VPS41: variants seen among roughly 807,000 people sequenced by gnomAD.
VPS41 encodes vacuolar protein sorting-associated protein 41 homolog.
Under a neutral mutation model 130.9 loss-of-function variants are expected in VPS41, and 85 were observed. The observed-to-expected ratio is 0.65, with a 90% CI of 0.55 to 0.78. VPS41 has a LOEUF of 0.78. VPS41 is among the 30% of genes least tolerant of loss of function. The pLI is 0.00. For synonymous variants in VPS41, 335 were observed against 332.9 expected (o/e 1.01, Z -0.07); for missense variants, 874 against 1,018.7 (o/e 0.86, Z 1.93).
intron 5 of VPS41, 101 bp from the exon 6 acceptor site, chr7:38,821,366 A>G: frequency 1.2e-6 from 1 of 835,802 alleles, no homozygotes; most frequent in Middle Eastern, 2.3e-4. Context: ...TAGAATATTT[A>G]ATAATTTTAA....
chr7:38,811,512 G>A (rs1784941820), intron 7 of VPS41, among the ~76,000 whole-genome samples: 1 of 151,676 alleles, frequency 6.6e-6, no homozygotes, highest in African/African-American at 2.4e-5. Flanking sequence ...TTTAACATAA[G>A]TAAAATAAAT....
chr7:38,898,025 G>T, intron 2 of VPS41, 66 bp downstream of exon 2: 1 of 1,455,570 alleles, frequency 6.9e-7, no homozygotes, highest in South Asian at 1.1e-5. Context: ...ATTTAGCAAA[G>T]AAGCGCAACT....
rs117852239 is a variant in VPS41, at chr7:38,735,502, T to A, written c.2259+6483A>T. 2.8e-4 allele frequency among the ~76,000 whole-genome samples: 42 copies of A among 152,170 alleles called. No homozygotes were observed. In the East Asian group the frequency reaches 8.1e-3, roughly 29 times the overall value. On this transcript the variant is annotated intron_variant, in intron 25 of 28. Transcript: ENST00000310301. The stretch of plus-strand genomic sequence containing the variant: ...GTGTGTGTACATGTGTGTGTCTCTG[T>A]GTGTGTACATGTGTATATGTGTATG...
intron 14 of VPS41, among the ~76,000 whole-genome samples, chr7:38,770,267 C>G (rs1784129999): frequency 7.1e-6 from 1 of 140,896 alleles, no homozygotes; most frequent in Non-Finnish European, 1.5e-5. Context: ...GAAACTCCGT[C>G]TCAAAAAAAA....
At chr7:38,758,791 G>A (rs775184071) in intron 17 of VPS41, among the ~76,000 whole-genome samples, 7 of 152,148 alleles carry the variant, frequency 4.6e-5, no homozygotes, top group African/African-American at 1.7e-4. Context: ...AGGTTACACC[G>A]ATCACCAATG....
chr7:38,765,233 A>G (rs1784014853), intron 16 of VPS41, among the ~76,000 whole-genome samples: 1 of 152,170 alleles, frequency 6.6e-6, no homozygotes, highest in Admixed American at 6.5e-5. Context: ...GAAAAATACA[A>G]TATTATTCAG....
At chr7:38,845,422 C>T (rs946044722) in intron 4 of VPS41, among the ~76,000 whole-genome samples, 5 of 152,168 alleles carry the variant, frequency 3.3e-5, no homozygotes, top group Non-Finnish European at 7.4e-5. Flanking sequence ...TAGTCACCTT[C>T]CGGGATGCTA....
intron 6 of VPS41, among the ~76,000 whole-genome samples, chr7:38,818,140 T>C (rs1460955268): frequency 6.6e-6 from 1 of 151,702 alleles, no homozygotes; most frequent in African/African-American, 2.4e-5. Flanking sequence ...AGGACCCCTA[T>C]AAGTGGATGT....
intron 17 of VPS41, among the ~76,000 whole-genome samples, chr7:38,762,207 C>T (rs111736295): frequency 6.6e-6 from 1 of 152,124 alleles, no homozygotes; most frequent in African/African-American, 2.4e-5. Context: ...ATGTGCTACC[C>T]AAGAAATATT....
chr7:38,771,565 C>T (rs1263631810), intron 13 of VPS41, among the ~76,000 whole-genome samples: 2 of 152,088 alleles, frequency 1.3e-5, no homozygotes, highest in Non-Finnish European at 2.9e-5. Flanking sequence ...ATTTCAGACA[C>T]AAATCAAAAT....
chr7:38,786,549 A>G (rs12112141), intron 10 of VPS41, among the ~76,000 whole-genome samples: 19,542 of 152,190 alleles, frequency 0.13, 2,155 homozygotes, highest in African/African-American at 0.3. Flanking sequence ...ATGAACAGAT[A>G]CGTAATAAAG....
At chr7:38,884,228 A>T (rs1202847036) in intron 2 of VPS41, among the ~76,000 whole-genome samples, 2 of 152,220 alleles carry the variant, frequency 1.3e-5, no homozygotes, top group East Asian at 3.8e-4. Context: ...ACTGGTTTTC[A>T]TTTTAACAAA....
intron 2 of VPS41, among the ~76,000 whole-genome samples, chr7:38,879,167 C>T (rs1475879347): frequency 1.3e-5 from 2 of 152,140 alleles, no homozygotes; most frequent in East Asian, 3.9e-4. Flanking sequence ...TATGGAGGCA[C>T]TGAAACGACC....
intron 5 of VPS41, 66 bp from the exon 6 acceptor site, chr7:38,821,331 G>T: frequency 9.4e-7 from 1 of 1,059,192 alleles, no homozygotes; most frequent in South Asian, 1.3e-5. Context: ...GAGTCAGTAT[G>T]AACACATACT....
At chr7:38,837,433 G>T (rs11977016) in intron 4 of VPS41, among the ~76,000 whole-genome samples, 9,188 of 152,272 alleles carry the variant, frequency 0.06, 285 homozygotes, top group Middle Eastern at 0.082. Context: ...TATACCAGGA[G>T]GGTAGCACAT....
In VPS41 at chr7:38,752,240, G is replaced by C. The variant is rs1783689589; in HGVS notation, c.1862C>G (p.Ala621Gly). ...AAGTAAGTTTGGTCGATCATATTCA[G>C]CATAAAGACTGATCTGTTTTTCATG... ...RYHEKQISLYAEYDRPNLLPF... is the reference protein window; with the variant it reads ...RYHEKQISLYGEYDRPNLLPF... The change falls in exon 22 of 29, where the codon GCT becomes GGT. Residue 621 changes from alanine to glycine, a missense_variant. Physicochemically the swap from Ala to Gly is moderately conservative, Grantham distance 60 (BLOSUM62 0). Coordinates refer to ENST00000310301, the MANE Select transcript of VPS41 (RefSeq NM_014396.4). 1.9e-6 allele frequency: 3 copies of C among 1,613,892 alleles called. No individual in the cohort carries two copies. The highest frequency in any genetic ancestry group is 2.5e-6 in the Non-Finnish European group (3 of 1,179,922).
At chr7:38,887,423 A>G (rs974793205) in intron 2 of VPS41, among the ~76,000 whole-genome samples, 2 of 152,220 alleles carry the variant, frequency 1.3e-5, no homozygotes, top group African/African-American at 2.4e-5. Flanking sequence ...GGAAGAAAGG[A>G]TATCAGTGAT....
At chr7:38,771,314 A>T in intron 13 of VPS41, 60 bp from the exon 14 acceptor site, 1 of 1,241,508 alleles carries the variant, frequency 8.1e-7, no homozygotes. Context: ...GAGGGAGGGA[A>T]AATGGGAGAA....
intron 25 of VPS41, 98 bp downstream of exon 25, chr7:38,741,887 A>G (rs1584367574): frequency 3.5e-6 from 5 of 1,418,178 alleles, no homozygotes; most frequent in East Asian, 4.7e-5. Flanking sequence ...CATAAAATCG[A>G]AAGTTTTTAA....
Sources: gnomAD v4.1 joint callset for allele counts (sites outside exome capture counted in the v4.1 genomes callset) on GRCh38, gnomAD v4.1.1 for gene constraint, MANE v1.5 for transcripts, NCBI Gene and HGNC (gene_info 2026-07-23, HGNC 2026-07-21) for gene names.